The following WFDC10B variants were observed in gnomAD, a reference collection of about 807,000 sequenced individuals.
The protein encoded by WFDC10B is protein WFDC10B.
In WFDC10B, 1 loss-of-function variant was observed where a neutral mutation model predicts 2.7. The observed-to-expected ratio is 0.38, with a 90% confidence interval of 0.13 to 1.79. The LOEUF (loss-of-function observed/expected upper bound fraction) is 1.79. Ranked by LOEUF, WFDC10B falls within the 40% of genes most tolerant of loss-of-function variation. The pLI, the probability that WFDC10B is intolerant of heterozygous loss-of-function variation, is 0.33. For synonymous variants in WFDC10B, 26 were observed against 32.2 expected (o/e 0.81, Z 0.65); for missense variants, 71 against 87.8 (o/e 0.81, Z 0.76).
chr20:45,697,411 G>T (rs1016220415), intron 2 of WFDC10B, among the ~76,000 whole-genome samples: 30 of 121,066 alleles, frequency 2.5e-4, no homozygotes, highest in African/African-American at 8.2e-4. Context: ...TTGAGACAGC[G>T]TCTGGCTCTG....
In WFDC10B at chr20:45,697,173, ACTAT is replaced by A. The variant is rs1984001889; in HGVS notation, c.-65+7320_-65+7323del. On this transcript the variant is annotated intron_variant, in intron 2 of 3. Coordinates refer to ENST00000330523, the MANE Select transcript of WFDC10B (RefSeq NM_172006.2). ...TCATCCAAATTGGGAAGAAAGTAAAACTATCTCAGCTGTTTTTGTAAACACCAGC... is the reference window on the plus strand; with the variant it reads ...TCATCCAAATTGGGAAGAAAGTAAAACTCAGCTGTTTTTGTAAACACCAGC... 2.0e-5 allele frequency among the ~76,000 whole-genome samples: 3 copies of A among 152,292 alleles called. No homozygotes were observed. The East Asian group carries it at 5.8e-4, about 29-fold the overall frequency.
In WFDC10B at chr20:45,685,943, A is replaced by C; in HGVS notation, c.50T>G (p.Leu17Arg). Residue 17 changes from leucine to arginine, a missense_variant, in exon 3 of 4, where the codon CTG becomes CGG. Physicochemically the swap from Leu to Arg is moderately radical, Grantham distance 102. Coordinates refer to ENST00000330523, the MANE Select transcript of WFDC10B (RefSeq NM_172006.2). ...GTCACGGTATCCTCCCTGGGCCTGC[A>C]GCAGCAGCACACAGAGAACCAGGAC... ...LLVLVLCVLLLQAQGGYRDKM... is the reference protein window; with the variant it reads ...LLVLVLCVLLRQAQGGYRDKM... 6.2e-7 allele frequency: 1 copy of C among 1,613,994 alleles called. No individual in the cohort carries two copies. Among genetic ancestry groups the C allele is most frequent in the South Asian group, 1.1e-5 (1 of 91,052 alleles).
At chr20:45,697,742 CTTTTT>C (rs1162470530) in intron 2 of WFDC10B, among the ~76,000 whole-genome samples, 1 of 113,406 alleles carries the variant, frequency 8.8e-6, no homozygotes, top group Non-Finnish European at 1.9e-5. Flanking sequence ...ATTTCTTTTT[CTTTTT>C]TTTTTTTTTT....
At chr20:45,687,860 T>TATTATTA (rs1555805539) in intron 2 of WFDC10B, among the ~76,000 whole-genome samples, 15 of 145,350 alleles carry the variant, frequency 1.0e-4, no homozygotes, top group African/African-American at 3.6e-4. Context: ...TGTCTTTTCT[T>TATTATTA]TTATTATTAT....
chr20:45,686,176 C>A (rs1260349616), intron 2 of WFDC10B, 120 bp from the exon 3 acceptor site: 12 of 1,230,080 alleles, frequency 9.8e-6, no homozygotes, highest in Non-Finnish European at 1.3e-5. Flanking sequence ...TGGCCCTGTC[C>A]TTCTCCATGT....
At chr20:45,689,806 C>A (rs199970039) in intron 2 of WFDC10B, among the ~76,000 whole-genome samples, 180 of 146,108 alleles carry the variant, frequency 1.2e-3, no homozygotes, top group Middle Eastern at 3.2e-3. Context: ...ATTTGACTTC[C>A]TCTTTTCCTA....
rs1273297128 is a variant in WFDC10B at position 45,684,701 on chromosome 20, C to G, written c.*129G>C. ...TTGACAGGGACAGGGAGTTCAGACA[C>G]TGGGGAGGGTGGCATTCCTGTTGAT... is the stretch of plus-strand genomic sequence containing the variant. On this transcript the variant is annotated 3_prime_UTR_variant, in exon 4 of 4. Transcript: ENST00000330523. The G allele has an allele frequency of 2.4e-5, 31 of 1,295,914 alleles. No individual in the cohort carries two copies. The East Asian group carries it at 6.2e-4, about 26-fold the overall frequency. 80.3% of individuals were successfully genotyped at this position (1,295,914 alleles called of 1,614,324 possible).
intron 2 of WFDC10B, among the ~76,000 whole-genome samples, chr20:45,701,152 T>C (rs1271173725): frequency 1.3e-5 from 2 of 152,228 alleles, no homozygotes; most frequent in Non-Finnish European, 2.9e-5. Context: ...GCAACAATTA[T>C]CTGCCTAGGT....
intron 2 of WFDC10B, among the ~76,000 whole-genome samples, chr20:45,693,738 T>C (rs1004514487): frequency 3.9e-5 from 6 of 152,196 alleles, no homozygotes; most frequent in African/African-American, 1.4e-4. Flanking sequence ...TGTCACCCCT[T>C]TCTTTGACTA....
chr20:45,701,652 C>T (rs1442958489), intron 2 of WFDC10B, among the ~76,000 whole-genome samples: 2 of 151,504 alleles, frequency 1.3e-5, no homozygotes, highest in Non-Finnish European at 2.9e-5. Flanking sequence ...ATCCCAGCAA[C>T]TCAGGAGTCT....
At position 45,699,533 on chromosome 20, in the gene WFDC10B, T is replaced by C. The variant is rs950045582; in HGVS notation, c.-65+4964A>G. Among the ~76,000 whole-genome samples, 11 of 152,302 alleles carry C rather than the reference T, an allele frequency of 7.2e-5. No homozygotes were observed. In the East Asian group the frequency reaches 2.1e-3, roughly 29 times the overall value. Reference sequence around the variant, plus strand: ...AATAACATTTCCTACCCAATTGTTTTGGAAAAAATTCAAAAGCATGACAAC... The same window carrying C: ...AATAACATTTCCTACCCAATTGTTTCGGAAAAAATTCAAAAGCATGACAAC... On this transcript the variant is annotated intron_variant, in intron 2 of 3. Coordinates refer to ENST00000330523, the MANE Select transcript of WFDC10B (RefSeq NM_172006.2).
intron 2 of WFDC10B, among the ~76,000 whole-genome samples, chr20:45,687,878 AT>A (rs930224026): frequency 7.5e-5 from 11 of 147,554 alleles, no homozygotes; most frequent in Non-Finnish European, 1.5e-4. Flanking sequence ...TATTATTATT[AT>A]TATTATTATT....
intron 2 of WFDC10B, among the ~76,000 whole-genome samples, chr20:45,701,724 T>G (rs1481123708): frequency 2.1e-5 from 3 of 145,266 alleles, no homozygotes; most frequent in Non-Finnish European, 3.0e-5. Flanking sequence ...ATCGCACCAC[T>G]GCACTCCAGC....
chr20:45,693,825 G>A (rs548304477), intron 2 of WFDC10B, among the ~76,000 whole-genome samples: 53 of 152,300 alleles, frequency 3.5e-4, no homozygotes, highest in Middle Eastern at 6.8e-3. Context: ...CGCACGGTGC[G>A]CTGCACCCAC....
rs1983552487 is a variant in WFDC10B at position 45,684,825 on chromosome 20, C to T, written c.*5G>A. ...CAGGATGCACATCCCAGCCCACTCT[C>T]CCACTCATAGGATGCTCATACAAAT... On this transcript the variant is annotated 3_prime_UTR_variant, in exon 4 of 4. Transcript: ENST00000330523. The T allele has an allele frequency of 1.9e-6, 3 of 1,613,610 alleles. No individual in the cohort carries two copies. Among genetic ancestry groups the T allele is most frequent in the South Asian group, 1.1e-5 (1 of 91,022 alleles).
intron 2 of WFDC10B, among the ~76,000 whole-genome samples, chr20:45,694,985 G>T (rs1983935467): frequency 6.6e-6 from 1 of 152,204 alleles, no homozygotes; most frequent in Non-Finnish European, 1.5e-5. Context: ...AAATTCCTGT[G>T]CTTGGGACCC....
intron 2 of WFDC10B, among the ~76,000 whole-genome samples, chr20:45,689,335 G>A (rs1243507549): frequency 3.3e-5 from 5 of 151,406 alleles, no homozygotes; most frequent in East Asian, 1.9e-4. Flanking sequence ...CTCTTTTTTG[G>A]TTCCATATGA....
At chr20:45,702,208 C>T in intron 2 of WFDC10B, 1 of 1,611,640 alleles carries the variant, frequency 6.2e-7, no homozygotes, top group Non-Finnish European at 8.5e-7. Flanking sequence ...GCAGCGTGTT[C>T]TGAGTAGGTG....
chr20:45,690,721 C>T (rs1555805784), intron 2 of WFDC10B, among the ~76,000 whole-genome samples: 1 of 151,632 alleles, frequency 6.6e-6, no homozygotes, highest in Non-Finnish European at 1.5e-5. Context: ...CTATTTGATT[C>T]TTCTCTCTTT....
Sources: allele counts gnomAD v4.1 joint callset (sites outside exome capture counted in the v4.1 genomes callset), GRCh38; gene constraint gnomAD v4.1.1; transcripts MANE v1.5; gene names NCBI Gene and HGNC (gene_info 2026-07-23, HGNC 2026-07-21).